Variants in GALNT13 observed in about 807,000 individuals in gnomAD.
GALNT13 encodes polypeptide N-acetylgalactosaminyltransferase 13.
Under a neutral mutation model 64.2 loss-of-function variants are expected in GALNT13, and 28 were observed. That is an observed-to-expected ratio of 0.44 (90% CI 0.32 to 0.60). The LOEUF (loss-of-function observed/expected upper bound fraction) is 0.60, where lower values mean the gene tolerates loss of function less well. Ranked by LOEUF, GALNT13 falls within the 20% of genes least tolerant of loss-of-function variation. The pLI, the probability that GALNT13 is intolerant of heterozygous loss-of-function variation, is 0.05. For synonymous variants in GALNT13, 214 were observed against 224.6 expected (o/e 0.95, Z 0.42); for missense variants, 577 against 669.8 (o/e 0.86, Z 1.53).
the GALNT13 span, among the ~76,000 whole-genome samples, chr2:153,417,727 A>G: frequency 6.6e-6 from 1 of 152,288 alleles, no homozygotes; most frequent in South Asian, 2.1e-4. Context: ...TTCCACTTGG[A>G]GTATATTAAA....
At chr2:154,104,111 C>T (rs1006700778) in intron 3 of GALNT13, among the ~76,000 whole-genome samples, 1 of 150,584 alleles carries the variant, frequency 6.6e-6, no homozygotes, top group African/African-American at 2.4e-5. Context: ...ATCCACTTCT[C>T]TATCATGCTC....
rs1378071091 is a variant in GALNT13, at chr2:154,216,598, G to T, written c.312-25432G>T. Among the ~76,000 whole-genome samples, 3 of 151,812 alleles carry T rather than the reference G, an allele frequency of 2.0e-5. No homozygotes were observed. In the East Asian group the frequency reaches 5.8e-4, roughly 29 times the overall value. ...TATTAAAATGAGATTAAATCAAGAT[G>T]GTCTAAAATATTATAAGTTTACTTT... On this transcript the variant is annotated intron_variant, in intron 4 of 12. Coordinates refer to ENST00000392825, the MANE Select transcript of GALNT13 (RefSeq NM_052917.4).
At chr2:153,998,925 T>C (rs1695707681) in intron 3 of GALNT13, among the ~76,000 whole-genome samples, 1 of 152,068 alleles carries the variant, frequency 6.6e-6, no homozygotes, top group South Asian at 2.1e-4. Flanking sequence ...GGAAAATCAT[T>C]CCATGCTCAT....
chr2:153,209,131 C>T, the GALNT13 span, among the ~76,000 whole-genome samples: 1 of 151,762 alleles, frequency 6.6e-6, no homozygotes, highest in South Asian at 2.1e-4. Context: ...GCGCCTGCCA[C>T]CATGCCCAGC....
At chr2:153,283,354 C>T in the GALNT13 span, among the ~76,000 whole-genome samples, 1 of 152,138 alleles carries the variant, frequency 6.6e-6, no homozygotes, top group South Asian at 2.1e-4. Context: ...ATACCAGATA[C>T]CTGGAGATCT....
intron 1 of GALNT13, among the ~76,000 whole-genome samples, chr2:153,895,624 TA>T (rs1178845316): frequency 6.6e-6 from 1 of 152,102 alleles, no homozygotes; most frequent in African/African-American, 2.4e-5. Flanking sequence ...GTCATGACTA[TA>T]ACTGGCTGCA....
At chr2:153,651,186 A>G in the GALNT13 span, among the ~76,000 whole-genome samples, 7 of 152,214 alleles carry the variant, frequency 4.6e-5, no homozygotes, top group South Asian at 1.4e-3. Context: ...TGAAAAGGAG[A>G]GGTTGTGCAA....
the GALNT13 span, among the ~76,000 whole-genome samples, chr2:153,255,779 A>G: frequency 2.6e-5 from 4 of 152,178 alleles, no homozygotes; most frequent in Admixed American, 1.3e-4. Flanking sequence ...TTCTTTAAGA[A>G]TGTTGAATAT....
chr2:153,974,399 C>G (rs1258916426), intron 3 of GALNT13, among the ~76,000 whole-genome samples: 1 of 151,972 alleles, frequency 6.6e-6, no homozygotes, highest in Non-Finnish European at 1.5e-5. Flanking sequence ...TATTGTGAGC[C>G]TCAGTTTTTT....
the GALNT13 span, among the ~76,000 whole-genome samples, chr2:153,257,273 G>T: frequency 1.3e-5 from 2 of 151,924 alleles, no homozygotes; most frequent in African/African-American, 4.8e-5. Flanking sequence ...TGACCCCTTG[G>T]GCTTCCCAAG....
chr2:153,358,335 G>A, the GALNT13 span, among the ~76,000 whole-genome samples: 1 of 152,100 alleles, frequency 6.6e-6, no homozygotes, highest in African/African-American at 2.4e-5. Context: ...GCCTAAGGAC[G>A]TCACTAGCAG....
chr2:154,012,908 T>C (rs561902892), intron 3 of GALNT13, among the ~76,000 whole-genome samples: 4 of 152,180 alleles, frequency 2.6e-5, no homozygotes, highest in Non-Finnish European at 4.4e-5. Flanking sequence ...TTCTATCAGA[T>C]TCGTTTGTAT....
chr2:153,472,917 A>G, the GALNT13 span, among the ~76,000 whole-genome samples: 1 of 152,186 alleles, frequency 6.6e-6, no homozygotes, highest in African/African-American at 2.4e-5. Flanking sequence ...CATCATTCTC[A>G]GCAAACTAAC....
the GALNT13 span, among the ~76,000 whole-genome samples, chr2:153,622,597 C>A: frequency 9.2e-5 from 14 of 152,184 alleles, no homozygotes; most frequent in African/African-American, 3.4e-4. Context: ...TGGAAATGGG[C>A]ATTTCATAAT....
At chr2:153,234,369 G>A in the GALNT13 span, among the ~76,000 whole-genome samples, 1 of 152,074 alleles carries the variant, frequency 6.6e-6, no homozygotes, top group Non-Finnish European at 1.5e-5. Flanking sequence ...GTTGAATTTA[G>A]GATTTAGGTC....
the GALNT13 span, among the ~76,000 whole-genome samples, chr2:153,747,293 G>T: frequency 3.0e-4 from 46 of 151,888 alleles, no homozygotes; most frequent in African/African-American, 1.1e-3. Flanking sequence ...TCAAATAGTA[G>T]GTCATATTCA....
At chr2:153,402,926 C>G in the GALNT13 span, among the ~76,000 whole-genome samples, 1 of 152,222 alleles carries the variant, frequency 6.6e-6, no homozygotes, top group Non-Finnish European at 1.5e-5. Context: ...CTACTCTCAG[C>G]TCGTCAAAGT....
chr2:154,121,333 T>A (rs1380946525), intron 3 of GALNT13, among the ~76,000 whole-genome samples: 1 of 152,186 alleles, frequency 6.6e-6, no homozygotes, highest in Admixed American at 6.5e-5. Flanking sequence ...ATTTATTTAG[T>A]CTTTTGTATC....
the GALNT13 span, among the ~76,000 whole-genome samples, chr2:153,564,255 T>C: frequency 3.9e-5 from 6 of 152,200 alleles, no homozygotes; most frequent in African/African-American, 1.2e-4. Context: ...ATTTTAAAAG[T>C]GCATCTATAC....
Sources: gnomAD v4.1 joint callset for allele counts (sites outside exome capture counted in the v4.1 genomes callset) on GRCh38, gnomAD v4.1.1 for gene constraint, MANE v1.5 for transcripts, NCBI Gene and HGNC (gene_info 2026-07-23, HGNC 2026-07-21) for gene names.